POLG: variants seen among roughly 807,000 people sequenced by gnomAD.
POLG encodes DNA polymerase subunit gamma-1.
In POLG, 110 loss-of-function variants were observed where a neutral mutation model predicts 155.4. That is an observed-to-expected ratio of 0.71 (90% CI 0.61 to 0.83). The LOEUF is 0.83. Ranked by LOEUF, POLG falls within the 40% of genes least tolerant of loss-of-function variation. POLG has a pLI of 0.00. For synonymous variants in POLG, 701 were observed against 631.5 expected, an observed-to-expected ratio of 1.11 and a Z score of -1.65; for missense variants, 1,685 against 1,627.5, an observed-to-expected ratio of 1.04 and a Z score of -0.61.
rs1361580021 is a variant in POLG, at chr15:89,324,181, G to A, written c.1996C>T (p.Gln666Ter). Residue 666 changes from glutamine to a stop codon, truncating the protein, a stop_gained, in exon 11 of 23, where the codon CAG becomes TAG. Coordinates refer to ENST00000268124, the MANE Select transcript of POLG (RefSeq NM_002693.3). LOFTEE classifies it high-confidence loss of function. The part of the protein sequence containing the change: ...YRKHCLEQGK[Q>*]QLMPQEAGLA... Reference sequence around the variant, plus strand: ...CCGGCCTCCTGGGGCATCAGCTGCTGCTTCCCCTGTTCGAGACAGTGCTTC... The same window carrying A: ...CCGGCCTCCTGGGGCATCAGCTGCTACTTCCCCTGTTCGAGACAGTGCTTC... 6.2e-7 allele frequency: 1 copy of A among 1,613,778 alleles called. No homozygotes were observed. The highest frequency in any genetic ancestry group is 8.5e-7 in the Non-Finnish European group (1 of 1,180,022).
chr15:89,322,075 TC>T lies in POLG; in HGVS notation c.2427-61del, dbSNP rs1303857174. The T allele has an allele frequency of 2.0e-6, 3 of 1,503,088 alleles. No individual in the cohort carries two copies. In the African/African-American group the frequency reaches 4.1e-5, roughly 21 times the overall value. 93.1% of individuals were successfully genotyped at this position (1,503,088 alleles called of 1,614,324 possible). A position where few individuals can be genotyped will look rare whatever the true frequency, so the allele number is the denominator to read the frequency against. ...CATGGGAAGCAGAATCTATCCCACA[TC>T]CCACCATGGCCCTCACCTGCCCACC... is the stretch of plus-strand genomic sequence containing the variant. On this transcript the variant is annotated intron_variant, in intron 14 of 22. Transcript: ENST00000268124.
intron 9 of POLG, among the ~76,000 whole-genome samples, 192 bp downstream of exon 9, chr15:89,326,420 C>A (rs1238829237): frequency 6.6e-6 from 1 of 152,216 alleles, no homozygotes; most frequent in African/African-American, 2.4e-5. Flanking sequence ...CAACACTGTG[C>A]TGAATGAGTC....
At chr15:89,319,838 C>G (rs1002030552) in intron 18 of POLG, among the ~76,000 whole-genome samples, 1 of 152,160 alleles carries the variant, frequency 6.6e-6, no homozygotes, top group Non-Finnish European at 1.5e-5. Context: ...TGCCACAACC[C>G]TAGACAACTC....
rs41546712 is a variant in POLG at position 89,320,894 on chromosome 15, G to A, written c.2853C>T (p.Tyr951=). ...GCTGCCCAGCACCATAGATGCGGCCGTAGTTGAAGATTTTGGCATGCTCAC... is the reference window on the plus strand; with the variant it reads ...GCTGCCCAGCACCATAGATGCGGCCATAGTTGAAGATTTTGGCATGCTCAC... The part of the protein sequence containing the change: ...ISREHAKIFN[Y]GRIYGAGQPF... The change falls in exon 18 of 23, where the codon TAC becomes TAT. Residue 951 remains tyrosine, a synonymous_variant. Transcript: ENST00000268124. 2,294 of 1,613,940 alleles carry A rather than the reference G, an allele frequency of 1.4e-3. 5 individuals are homozygous for A. Among genetic ancestry groups the A allele is most frequent in the South Asian group, 2.0e-3 (182 of 91,078 alleles).
rs774474723 is a variant in POLG, at chr15:89,325,679, G to C, written c.1720C>G (p.Arg574Gly). 1 of 1,605,912 alleles carries C rather than the reference G, an allele frequency of 6.2e-7. No homozygotes were observed. Among genetic ancestry groups the C allele is most frequent in the Non-Finnish European group, 8.5e-7 (1 of 1,178,822 alleles). Reference sequence around the variant, plus strand: ...TCGTCTAGCCGGGGGCAGAGCTTCCGGTACCATCTACGTCCCAGCAGGAAG... The same window carrying C: ...TCGTCTAGCCGGGGGCAGAGCTTCCCGTACCATCTACGTCCCAGCAGGAAG... Reference protein sequence around the residue: ...QHLPGHPGWYRKLCPRLDDPA... With the variant: ...QHLPGHPGWYGKLCPRLDDPA... The change falls in exon 10 of 23, where the codon CGG becomes GGG. Residue 574 changes from arginine (R) to glycine (G), a missense_variant. Arg to Gly is a moderately radical substitution (Grantham distance 125). Transcript: ENST00000268124.
At chr15:89,332,622 G>A (rs1160343274) in intron 2 of POLG, among the ~76,000 whole-genome samples, 2 of 151,448 alleles carry the variant, frequency 1.3e-5, no homozygotes, top group African/African-American at 2.4e-5. Context: ...GCGGGGGGGT[G>A]TTGGTCTGGC....
At chr15:89,325,131 A>AGAGTGAGTGAGTGAGT (rs879593305) in intron 10 of POLG, among the ~76,000 whole-genome samples, 6 of 44,638 alleles carry the variant, frequency 1.3e-4, no homozygotes, top group Non-Finnish European at 1.6e-4. Context: ...AGTGAGTGAG[A>AGAGTGAGTGAGTGAGT]GAGTGAGTGA....
At chr15:89,322,289 C>T (rs1429892291) in intron 14 of POLG, among the ~76,000 whole-genome samples, 1 of 152,234 alleles carries the variant, frequency 6.6e-6, no homozygotes, top group East Asian at 1.9e-4. Flanking sequence ...TCCACCAATG[C>T]CTCTTCCTAC....
At chr15:89,318,490 A>T in intron 21 of POLG, 51 bp downstream of exon 21, 1 of 1,512,348 alleles carries the variant, frequency 6.6e-7, no homozygotes, top group Non-Finnish European at 9.2e-7. Context: ...GCTCACCCAA[A>T]GCCCCACATA....
intron 16 of POLG, 22 bp from the exon 17 acceptor site, chr15:89,321,282 C>CAT: frequency 6.2e-7 from 1 of 1,613,222 alleles, no homozygotes; most frequent in Non-Finnish European, 8.5e-7. Flanking sequence ...GTGAGATACC[C>CAT]AAATGAGACT....
intron 14 of POLG, 23 bp downstream of exon 14, chr15:89,322,719 G>C (rs1289606946): frequency 2.5e-6 from 4 of 1,611,880 alleles, no homozygotes; most frequent in African/African-American, 1.3e-5. Flanking sequence ...AGGCATCCCA[G>C]GACTCCTCCC....
At chr15:89,318,428 T>G in intron 21 of POLG, 113 bp downstream of exon 21, 1 of 769,924 alleles carries the variant, frequency 1.3e-6, no homozygotes, top group Non-Finnish European at 2.2e-6. Flanking sequence ...AGCTGAAACA[T>G]TCACTTCTAG....
Position 89,333,793 on chromosome 15 carries a change from C to G in POLG, c.-39G>C. On this transcript the variant is annotated 5_prime_UTR_variant, in exon 2 of 23. Coordinates refer to ENST00000268124, the MANE Select transcript of POLG (RefSeq NM_002693.3). ...ACCCCCACGCTGGGAGTCAGAACAC[C>G]TGGCTTTGGGCTCCAGCTTGGCTTC... 1.3e-6 allele frequency: 2 copies of G among 1,534,502 alleles called. No homozygotes were observed. Among genetic ancestry groups the G allele is most frequent in the Non-Finnish European group, 8.7e-7 (1 of 1,146,012 alleles).
intron 6 of POLG, among the ~76,000 whole-genome samples, chr15:89,327,933 C>T (rs1356785011): frequency 6.6e-6 from 1 of 152,112 alleles, no homozygotes; most frequent in Non-Finnish European, 1.5e-5. Flanking sequence ...TTTTATCTAG[C>T]TTACTTTAAG....
chr15:89,318,856 T>C, intron 20 of POLG, 75 bp downstream of exon 20: 1 of 1,579,350 alleles, frequency 6.3e-7, no homozygotes, highest in South Asian at 1.1e-5. Flanking sequence ...CTACAAACAT[T>C]GGTAAGGTCC....
In POLG at chr15:89,326,572, G is replaced by A. The variant is rs200895600; in HGVS notation, c.1712+40C>T. 1.5e-4 allele frequency: 239 copies of A among 1,609,372 alleles called. 2 individuals are homozygous for A. The South Asian group carries it at 2.3e-3, about 16-fold the overall frequency. ...GGGCTGTCCTGAGAATGGAGCAAGG[G>A]TAGACTCTAGATACACTGCTGGGGG... is the stretch of plus-strand genomic sequence containing the variant. On this transcript the variant is annotated intron_variant, in intron 9 of 22. Coordinates refer to ENST00000268124, the MANE Select transcript of POLG (RefSeq NM_002693.3).
rs765836895 is a variant in POLG at position 89,328,727 on chromosome 15, C to A, written c.1128G>T (p.Leu376=). ...GPPLEKEPRE[L]FVKGTMKDIR... is the part of the protein sequence containing the mutation. ...TGTCCTTCATGGTGCCCTTCACAAA[C>A]AGTTCTCGAGGCTCCTTCTCTAAGG... The change falls in exon 5 of 23, where the codon CTG becomes CTT. Residue 376 remains leucine, a synonymous_variant. Coordinates refer to ENST00000268124, the MANE Select transcript of POLG (RefSeq NM_002693.3). 2 of 1,614,196 alleles carry A rather than the reference C, an allele frequency of 1.2e-6. No homozygotes were observed. Among genetic ancestry groups the A allele is most frequent in the South Asian group, 1.1e-5 (1 of 91,092 alleles).
Position 89,320,937 on chromosome 15 carries a change from G to C in POLG, c.2810C>G (p.Thr937Ser), listed in dbSNP as rs773052089. 2 of 1,613,836 alleles carry C rather than the reference G, an allele frequency of 1.2e-6. No individual in the cohort carries two copies. The highest frequency in any genetic ancestry group is 1.7e-6 in the Non-Finnish European group (2 of 1,179,852). Residue 937 changes from threonine (T) to serine (S), a missense_variant, in exon 18 of 23, where the codon ACT (threonine) becomes AGT (serine). Transcript: ENST00000268124. ...ATGCTCACGGCTGATGCCCACAGTAGTGGCTGTCTTACTGTGTAGATCAGT... is the reference window on the plus strand; with the variant it reads ...ATGCTCACGGCTGATGCCCACAGTACTGGCTGTCTTACTGTGTAGATCAGT... The part of the protein sequence containing the change: ...RGTDLHSKTA[T>S]TVGISREHAK...
rs1421324049 is a variant in POLG, at chr15:89,319,259, G to C, written c.3073C>G (p.Leu1025Val). The change falls in exon 19 of 23, where the codon CTG becomes GTG. Residue 1025 changes from leucine to valine, a missense_variant. Leu to Val is a conservative substitution (Grantham distance 32). Coordinates refer to ENST00000268124, the MANE Select transcript of POLG (RefSeq NM_002693.3). The part of the protein sequence containing the change: ...TEGGWISLQD[L>V]RKVQRETARK... ...GCAGTTTCTCTCTGGACCTTGCGCA[G>C]ATCCTGCAGGGAAATCCAGCCACCC... 2 of 1,614,214 alleles carry C rather than the reference G, an allele frequency of 1.2e-6. No homozygotes were observed. The highest frequency in any genetic ancestry group is 2.2e-5 in the East Asian group (1 of 44,882).
Sources: gnomAD v4.1 joint callset for allele counts (sites outside exome capture counted in the v4.1 genomes callset) on GRCh38, gnomAD v4.1.1 for gene constraint, MANE v1.5 for transcripts, NCBI Gene and HGNC (gene_info 2026-07-23, HGNC 2026-07-21) for gene names.